The following CFAP54 variants were observed in gnomAD, a reference collection of about 807,000 sequenced individuals.
CFAP54 encodes cilia- and flagella-associated protein 54.
CFAP54 carries 290 observed loss-of-function variants against 370.4 expected under a neutral mutation model. That is an observed-to-expected ratio of 0.78 (90% CI 0.71 to 0.86). CFAP54 has a LOEUF of 0.86. Ranked by LOEUF, CFAP54 falls within the 40% of genes least tolerant of loss-of-function variation. The pLI, the probability that CFAP54 is intolerant of heterozygous loss-of-function variation, is 0.00. For missense variants in CFAP54, 3,399 were observed against 3,528.7 expected (o/e 0.96, Z 0.93); for synonymous variants, 1,206 against 1,236.5 (o/e 0.98, Z 0.52).
rs75467599 is a variant in CFAP54, at chr12:96,605,056, C to T, written c.3639+6289C>T. 1.4e-3 allele frequency among the ~76,000 whole-genome samples: 208 copies of T among 152,288 alleles called. 2 individuals are homozygous for T. The highest frequency in any genetic ancestry group is 1.9e-3 in the Non-Finnish European group (128 of 68,018). On this transcript the variant is annotated intron_variant, in intron 26 of 67. Coordinates refer to ENST00000524981, the MANE Select transcript of CFAP54 (RefSeq NM_001306084.2). ...AAATGCAGCAATCACCTGTCATCTG[C>T]GTTGATCTTGCTTGGAGCTGTAGAC...
rs1156635031 is a variant in CFAP54 at position 96,644,170 on chromosome 12, C to T, written c.4317-8C>T. 1 of 1,510,160 alleles carries T rather than the reference C, an allele frequency of 6.6e-7. No individual in the cohort carries two copies. The highest frequency in any genetic ancestry group is 8.9e-7 in the Non-Finnish European group (1 of 1,129,364). The allele number at this position is 1,510,160 out of a possible 1,614,324, so 93.5% of individuals were successfully genotyped here. A position where few individuals can be genotyped will look rare whatever the true frequency, so the allele number is the denominator to read the frequency against. The stretch of plus-strand genomic sequence containing the variant: ...GTGTAATTTCAAAACTTCTTTCTCC[C>T]TTGGCAGAAATAGGAGAACCAGTGT... On this transcript the variant is annotated splice_polypyrimidine_tract_variant and splice_region_variant and intron_variant, in intron 32 of 67. Transcript: ENST00000524981.
At chr12:96,507,516 G>A (rs1275907536) in intron 4 of CFAP54, among the ~76,000 whole-genome samples, 7 of 129,132 alleles carry the variant, frequency 5.4e-5, no homozygotes, top group Non-Finnish European at 1.1e-4. Context: ...GGACTGCTGA[G>A]GAACACACAC....
intron 26 of CFAP54, among the ~76,000 whole-genome samples, chr12:96,605,510 CTG>C (rs1412093568): frequency 1.3e-5 from 2 of 152,198 alleles, no homozygotes; most frequent in African/African-American, 4.8e-5. Context: ...TGAATTCAGA[CTG>C]TGCCAGTCAA....
In CFAP54 at chr12:96,677,087, G is replaced by T. The variant is rs1273038480; in HGVS notation, c.5564-2513G>T. Among the ~76,000 whole-genome samples, 82 of 2,744 alleles carry T rather than the reference G, an allele frequency of 0.03. 1 individual carries two copies. The Middle Eastern group carries it at 0.75, about 25-fold the overall frequency. The allele number at this position is 2,744 out of a possible 152,430, so 1.8% of individuals were successfully genotyped here. On this transcript the variant is annotated intron_variant, in intron 39 of 67. Transcript: ENST00000524981. Reference sequence around the variant, plus strand: ...GCATGATCATAGCTCACTGTAGCCTGGAACTCCTGGGCTCAGGTGATCCTC... The same window carrying T: ...GCATGATCATAGCTCACTGTAGCCTTGAACTCCTGGGCTCAGGTGATCCTC...
intron 56 of CFAP54, 146 bp from the exon 57 acceptor site, chr12:96,756,312 C>T (rs184151511): frequency 6.2e-5 from 35 of 564,114 alleles, no homozygotes; most frequent in African/African-American, 5.4e-4. Flanking sequence ...GATCTTTCCT[C>T]ATTGGCTTAC....
At chr12:96,782,565 G>A (rs1324644501) in intron 60 of CFAP54, among the ~76,000 whole-genome samples, 2 of 152,024 alleles carry the variant, frequency 1.3e-5, no homozygotes, top group Non-Finnish European at 2.9e-5. Context: ...TCTAACCAAA[G>A]TTGTGAAACA....
chr12:96,544,344 AAG>A (rs1226504264), intron 14 of CFAP54, among the ~76,000 whole-genome samples: 1 of 151,788 alleles, frequency 6.6e-6, no homozygotes, highest in Non-Finnish European at 1.5e-5. Context: ...ATAAAAGTGA[AAG>A]AGAGTCTTTT....
chr12:96,493,533 T>G (rs1321388548), intron 1 of CFAP54, among the ~76,000 whole-genome samples: 1 of 152,092 alleles, frequency 6.6e-6, no homozygotes, highest in East Asian at 1.9e-4. Context: ...TGCAGCTGGG[T>G]GCGGTGGCTC....
At chr12:96,812,935 C>A (rs565830807) in intron 64 of CFAP54, among the ~76,000 whole-genome samples, 1 of 151,984 alleles carries the variant, frequency 6.6e-6, no homozygotes, top group Non-Finnish European at 1.5e-5. Flanking sequence ...TCTTTATTTT[C>A]ATTCAGTCAA....
At chr12:96,716,684 C>T (rs1444230524) in intron 48 of CFAP54, among the ~76,000 whole-genome samples, 1 of 152,164 alleles carries the variant, frequency 6.6e-6, no homozygotes, top group East Asian at 1.9e-4. Context: ...ATCCTGGAGG[C>T]ACACCATCTG....
rs760184205 is a variant in CFAP54 at position 96,784,827 on chromosome 12, T to C, written c.8392T>C (p.Trp2798Arg). The C allele has an allele frequency of 2.6e-6, 4 of 1,534,194 alleles. No homozygotes were observed. The highest frequency in any genetic ancestry group is 2.0e-5 in the Admixed American group (1 of 50,842). ...KKTQTKVDIT[W>R]ILLLRYYIHL... The stretch of plus-strand genomic sequence containing the variant: ...GACTCAGACCAAAGTGGATATTACA[T>C]GGATCCTTCTACTGCGCTACTATAT... The change falls in exon 61 of 68, where the codon TGG becomes CGG. Residue 2798 changes from tryptophan to arginine, a missense_variant. Transcript: ENST00000524981.
chr12:96,590,616 C>T (rs1044261728), intron 23 of CFAP54, among the ~76,000 whole-genome samples: 1 of 152,132 alleles, frequency 6.6e-6, no homozygotes, highest in African/African-American at 2.4e-5. Flanking sequence ...ATGCTATGTG[C>T]TATGGGGGTA....
At chr12:96,655,032 A>C (rs1215786917) in intron 36 of CFAP54, among the ~76,000 whole-genome samples, 1 of 88,524 alleles carries the variant, frequency 1.1e-5, no homozygotes, top group East Asian at 7.7e-4. Context: ...GTGAATGGCC[A>C]AAAAAATTTT....
intron 3 of CFAP54, among the ~76,000 whole-genome samples, chr12:96,506,217 T>G (rs1955098688): frequency 6.6e-6 from 1 of 151,594 alleles, no homozygotes; most frequent in African/African-American, 2.4e-5. Flanking sequence ...CGGGCACCTG[T>G]AGTCCCAGCT....
At chr12:96,803,972 A>C (rs1445895253) in intron 63 of CFAP54, among the ~76,000 whole-genome samples, 1 of 152,168 alleles carries the variant, frequency 6.6e-6, no homozygotes, top group Non-Finnish European at 1.5e-5. Flanking sequence ...GAAAAATCTG[A>C]AAACCAATAC....
rs764051628 is a variant in CFAP54, at chr12:96,753,734, T to C, written c.7685-9T>C. 1 of 1,610,564 alleles carries C rather than the reference T, an allele frequency of 6.2e-7. No homozygotes were observed. The highest frequency in any genetic ancestry group is 1.1e-5 in the South Asian group (1 of 90,344). Reference sequence around the variant, plus strand: ...TTTGTTCTTCCCCACCGAACTGTTTTTCTTTTAGGACATACAGTGGCCAAG... The same window carrying C: ...TTTGTTCTTCCCCACCGAACTGTTTCTCTTTTAGGACATACAGTGGCCAAG... On this transcript the variant is annotated splice_polypyrimidine_tract_variant and intron_variant, in intron 55 of 67. Transcript: ENST00000524981.
At chr12:96,869,725 C>T (rs1230896990) in intron 67 of CFAP54, among the ~76,000 whole-genome samples, 2 of 151,340 alleles carry the variant, frequency 1.3e-5, no homozygotes, top group African/African-American at 2.4e-5. Flanking sequence ...CACCTGAGGT[C>T]GGGAGTTGGA....
intron 39 of CFAP54, among the ~76,000 whole-genome samples, chr12:96,664,202 T>G (rs920223733): frequency 1.3e-5 from 2 of 152,136 alleles, no homozygotes; most frequent in African/African-American, 4.8e-5. Context: ...ACTTGTGTCA[T>G]GGGGGCTTGT....
At chr12:96,587,654 G>C (rs990566798) in intron 22 of CFAP54, among the ~76,000 whole-genome samples, 2 of 151,908 alleles carry the variant, frequency 1.3e-5, no homozygotes, top group Admixed American at 1.3e-4. Flanking sequence ...GTTAACTGAT[G>C]GAACAAAGAA....
Sources: allele counts gnomAD v4.1 joint callset (sites outside exome capture counted in the v4.1 genomes callset), GRCh38; gene constraint gnomAD v4.1.1; transcripts MANE v1.5; gene names NCBI Gene and HGNC (gene_info 2026-07-23, HGNC 2026-07-21).